Variants in CSMD1 observed in about 807,000 individuals in gnomAD.
The protein encoded by CSMD1 is CUB and Sushi multiple domains 1.
A neutral mutation model predicts 417.5 loss-of-function variants in CSMD1; 213 were observed. The ratio of observed to expected loss-of-function variants is 0.51; its 90% CI spans 0.46 to 0.57. CSMD1 has a LOEUF of 0.57. CSMD1 is among the 20% of genes least tolerant of loss of function. CSMD1 has a pLI of 0.00. For missense variants in CSMD1, 6,923 were observed against 4,529.7 expected, an observed-to-expected ratio of 1.53 and a Z score of -15.17; for synonymous variants, 2,862 against 1,736.8, an observed-to-expected ratio of 1.65 and a Z score of -16.11.
In CSMD1 at chr8:3,858,097, T is replaced by C. The variant is rs543714538; in HGVS notation, c.819-104055A>G. 6.6e-5 allele frequency among the ~76,000 whole-genome samples: 10 copies of C among 152,350 alleles called. No individual in the cohort carries two copies. The South Asian group carries it at 2.1e-3, about 32-fold the overall frequency. On this transcript the variant is annotated intron_variant, in intron 5 of 69. Coordinates refer to ENST00000635120, the MANE Select transcript of CSMD1 (RefSeq NM_033225.6). The stretch of plus-strand genomic sequence containing the variant: ...GCAATTTGTGACTGTCCAATTGAAT[T>C]TTAATAACATAGTCAAATCACTTCG...
chr8:3,157,833 G>T, intron 39 of CSMD1, 64 bp downstream of exon 39: 1 of 1,315,458 alleles, frequency 7.6e-7, no homozygotes, highest in South Asian at 1.3e-5. Context: ...GACCCCAAGA[G>T]TAGAGCAGGC....
chr8:4,269,105 G>A (rs1289297510), intron 3 of CSMD1, among the ~76,000 whole-genome samples: 3 of 152,146 alleles, frequency 2.0e-5, no homozygotes, highest in African/African-American at 7.2e-5. Context: ...CGCCCAGGCT[G>A]GAGTGCAGTG....
At chr8:4,064,053 C>T (rs1046796698) in intron 3 of CSMD1, among the ~76,000 whole-genome samples, 14 of 152,136 alleles carry the variant, frequency 9.2e-5, no homozygotes, top group African/African-American at 2.9e-4. Flanking sequence ...AGTGAGGGCT[C>T]CTGAGAAGTG....
intron 3 of CSMD1, among the ~76,000 whole-genome samples, chr8:4,217,621 G>A (rs1800760853): frequency 6.7e-6 from 1 of 149,292 alleles, no homozygotes; most frequent in African/African-American, 2.5e-5. Context: ...TATCTTTTGA[G>A]AAACTGTTGA....
intron 2 of CSMD1, among the ~76,000 whole-genome samples, chr8:4,583,045 C>A (rs376126371): frequency 6.6e-6 from 1 of 152,222 alleles, no homozygotes; most frequent in Non-Finnish European, 1.5e-5. Flanking sequence ...ACTTCTCACC[C>A]GGCGTTAGCT....
chr8:3,942,083 G>A (rs1359912153), intron 5 of CSMD1, among the ~76,000 whole-genome samples: 1 of 151,890 alleles, frequency 6.6e-6, no homozygotes, highest in Non-Finnish European at 1.5e-5. Context: ...TAGGTTTCGA[G>A]CTCCTTGTGA....
At chr8:3,882,691 C>G (rs564969506) in intron 5 of CSMD1, among the ~76,000 whole-genome samples, 2 of 152,086 alleles carry the variant, frequency 1.3e-5, no homozygotes, top group Non-Finnish European at 2.9e-5. Context: ...TACTACACAG[C>G]AATGAAAAGG....
chr8:4,705,326 G>A (rs1407314409), intron 1 of CSMD1, among the ~76,000 whole-genome samples: 3 of 152,002 alleles, frequency 2.0e-5, no homozygotes, highest in Non-Finnish European at 4.4e-5. Context: ...CTATGTTCTA[G>A]AGACTCCATT....
intron 49 of CSMD1, among the ~76,000 whole-genome samples, chr8:3,083,655 T>TA (rs1563320723): frequency 2.5e-5 from 1 of 39,706 alleles, no homozygotes; most frequent in African/African-American, 1.0e-4. Context: ...TATATTTTTT[T>TA]TTTTTTTTTT....
At chr8:3,891,468 A>G (rs1304100659) in intron 5 of CSMD1, among the ~76,000 whole-genome samples, 2 of 152,116 alleles carry the variant, frequency 1.3e-5, no homozygotes, top group African/African-American at 4.8e-5. Flanking sequence ...TTTCCTGTAT[A>G]CAGGAGTTTG....
Position 2,955,571 on chromosome 8 carries a change from C to A in CSMD1, c.9994+18G>T, listed in dbSNP as rs781715173. 6.2e-7 allele frequency: 1 copy of A among 1,612,036 alleles called. No individual in the cohort carries two copies. Among genetic ancestry groups the A allele is most frequent in the Non-Finnish European group, 8.5e-7 (1 of 1,178,704 alleles). ...TTGCTCTTTGGAAAAGTATGCCACT[C>A]CTTGATCAATGACTTACTTTTACAC... On this transcript the variant is annotated intron_variant, in intron 64 of 69. Coordinates refer to ENST00000635120, the MANE Select transcript of CSMD1 (RefSeq NM_033225.6).
chr8:4,005,820 C>A (rs558196977), intron 4 of CSMD1, among the ~76,000 whole-genome samples: 1 of 152,272 alleles, frequency 6.6e-6, no homozygotes, highest in African/African-American at 2.4e-5. Flanking sequence ...CATTAACAGA[C>A]CCCGGATTGC....
At chr8:4,690,886 G>T (rs888316446) in intron 1 of CSMD1, among the ~76,000 whole-genome samples, 1 of 152,090 alleles carries the variant, frequency 6.6e-6, no homozygotes, top group South Asian at 2.1e-4. Context: ...ATGTCACCAT[G>T]CCCGGCTAAT....
At chr8:4,891,871 G>C (rs918217940) in intron 1 of CSMD1, among the ~76,000 whole-genome samples, 3 of 152,064 alleles carry the variant, frequency 2.0e-5, no homozygotes, top group Non-Finnish European at 4.4e-5. Flanking sequence ...GATTGTAAAA[G>C]TTGACATTCA....
chr8:4,567,413 A>G (rs1277977261), intron 2 of CSMD1, among the ~76,000 whole-genome samples: 1 of 152,198 alleles, frequency 6.6e-6, no homozygotes, highest in Non-Finnish European at 1.5e-5. Context: ...TGTGGAGAAA[A>G]CAACAACAAA....
chr8:3,789,680 C>G (rs1357897191), intron 5 of CSMD1, among the ~76,000 whole-genome samples: 1 of 149,208 alleles, frequency 6.7e-6, no homozygotes, highest in African/African-American at 2.5e-5. Context: ...CATGTATGAC[C>G]TTGTTTATTT....
At chr8:3,944,410 T>C (rs1811088140) in intron 5 of CSMD1, among the ~76,000 whole-genome samples, 1 of 152,146 alleles carries the variant, frequency 6.6e-6, no homozygotes, top group Non-Finnish European at 1.5e-5. Flanking sequence ...ACTGAGTGGG[T>C]GATTCTTCTT....
intron 12 of CSMD1, among the ~76,000 whole-genome samples, chr8:3,464,640 T>C (rs565738916): frequency 1.3e-3 from 199 of 150,388 alleles, no homozygotes; most frequent in African/African-American, 4.7e-3. Context: ...GTAGAATCTA[T>C]ATATATAGCA....
At position 3,938,405 on chromosome 8, in the gene CSMD1, G is replaced by C. The variant is rs114752674; in HGVS notation, c.818+59498C>G. On this transcript the variant is annotated intron_variant, in intron 5 of 69. Transcript: ENST00000635120. ...ATGCAATCGGTGGTAGGCTAGTTTT[G>C]ATTTGGGCTTCAAAAGAATAGTAGA... Among the ~76,000 whole-genome samples the C allele has an allele frequency of 3.0e-3, 462 of 152,278 alleles. 2 individuals are homozygous for C. The highest frequency in any genetic ancestry group is 4.1e-3 in the Non-Finnish European group (279 of 68,022).
Sources: gnomAD v4.1 joint callset for allele counts (sites outside exome capture counted in the v4.1 genomes callset) on GRCh38, gnomAD v4.1.1 for gene constraint, MANE v1.5 for transcripts, NCBI Gene and HGNC (gene_info 2026-07-23, HGNC 2026-07-21) for gene names.